The following SP140 variants were observed in gnomAD, a reference collection of about 807,000 sequenced individuals.
SP140 encodes nuclear body protein SP140.
SP140 carries 81 observed loss-of-function variants against 125.0 expected under a neutral mutation model. That is an observed-to-expected ratio of 0.65 (90% confidence interval 0.54 to 0.78). The LOEUF (loss-of-function observed/expected upper bound fraction) is 0.78, where lower values mean the gene tolerates loss of function less well. Among genes scored for constraint, SP140 ranks in the 30% least tolerant of loss-of-function variants. The pLI is 0.00. For missense variants in SP140, 858 were observed against 1,037.0 expected, an observed-to-expected ratio of 0.83 and a Z score of 2.37; for synonymous variants, 312 against 354.0, an observed-to-expected ratio of 0.88 and a Z score of 1.33.
chr2:230,274,525 A>G (rs1375541256), intron 15 of SP140, among the ~76,000 whole-genome samples: 1 of 152,202 alleles, frequency 6.6e-6, no homozygotes, highest in Non-Finnish European at 1.5e-5. Flanking sequence ...TGGCCTCCAG[A>G]AAGGAGCAAA....
chr2:230,294,117 G>A (rs1042992922), intron 20 of SP140, among the ~76,000 whole-genome samples, 154 bp from the exon 21 acceptor site: 3 of 152,194 alleles, frequency 2.0e-5, no homozygotes, highest in African/African-American at 4.8e-5. Context: ...AAGAAGCACA[G>A]GTGAAGACAG....
rs1212638320 is a variant in SP140 at position 230,212,361 on chromosome 2, G to T, written c.-322-1293G>T. 6 of 1,612,052 alleles carry T rather than the reference G, an allele frequency of 3.7e-6. No homozygotes were observed. In the Admixed American group the frequency reaches 8.3e-5, roughly 22 times the overall value. On this transcript the variant is annotated intron_variant, in intron 1 of 4. Transcript: ENST00000456542. ...GTCAGTGTTACCTTGCACAGTGCTA[G>T]TGAGGAGGCTGGGCATCTCTTCTGA...
intron 12 of SP140, among the ~76,000 whole-genome samples, chr2:230,256,217 T>G (rs1375604670): frequency 2.1e-4 from 31 of 150,398 alleles, no homozygotes; most frequent in South Asian, 1.3e-3. Flanking sequence ...TAAAGACACA[T>G]GCACACGTAT....
At chr2:230,274,924 C>T (rs1420178808) in intron 15 of SP140, among the ~76,000 whole-genome samples, 1 of 152,052 alleles carries the variant, frequency 6.6e-6, no homozygotes, top group Non-Finnish European at 1.5e-5. Flanking sequence ...ATAACATGCA[C>T]TGGATATTAT....
chr2:230,228,904 T>TATAGTTAGATTAATATCTACC (rs1331257780), intron 1 of SP140, among the ~76,000 whole-genome samples: 2 of 152,190 alleles, frequency 1.3e-5, no homozygotes, highest in Non-Finnish European at 2.9e-5. Flanking sequence ...TGATTATTAA[T>TATAGTTAGATTAATATCTACC]ATAGTTAGAT....
At chr2:230,265,774 G>A (rs2149324956) in intron 12 of SP140, among the ~76,000 whole-genome samples, 1 of 129,700 alleles carries the variant, frequency 7.7e-6, no homozygotes, top group East Asian at 2.0e-4. Context: ...CTGCAGTTGG[G>A]GCACTCTCAG....
intron 2 of SP140, among the ~76,000 whole-genome samples, 200 bp from the exon 3 acceptor site, chr2:230,238,013 C>G (rs2048222291): frequency 6.6e-6 from 1 of 152,154 alleles, no homozygotes; most frequent in Non-Finnish European, 1.5e-5. Context: ...TACTCTCTCC[C>G]CTTAAGTGTA....
intron 15 of SP140, among the ~76,000 whole-genome samples, chr2:230,276,107 A>T (rs1398381163): frequency 6.6e-6 from 1 of 152,192 alleles, no homozygotes; most frequent in East Asian, 1.9e-4. Context: ...TGTCCAGAAG[A>T]TCTAGCCAAG....
chr2:230,241,155 A>G (rs2048671185), intron 3 of SP140, among the ~76,000 whole-genome samples: 1 of 152,232 alleles, frequency 6.6e-6, no homozygotes, highest in Non-Finnish European at 1.5e-5. Flanking sequence ...GAACCAGAAC[A>G]GTGGTGTCTT....
intron 4 of SP140, among the ~76,000 whole-genome samples, 157 bp downstream of exon 4, chr2:230,241,644 A>G (rs923578456): frequency 1.3e-5 from 2 of 152,084 alleles, no homozygotes; most frequent in South Asian, 4.1e-4. Context: ...CTGCCAACAG[A>G]TGTGAGAGAA....
chr2:230,279,710 G>A (rs763259258), intron 15 of SP140, among the ~76,000 whole-genome samples: 6 of 152,088 alleles, frequency 3.9e-5, no homozygotes, highest in Non-Finnish European at 8.8e-5. Flanking sequence ...ATCATGACAT[G>A]TATCATTTTC....
At chr2:230,225,104 G>C (rs1304750873), upstream of SP140, among the ~76,000 whole-genome samples, 1 of 152,186 alleles carries the variant, frequency 6.6e-6, no homozygotes, top group Non-Finnish European at 1.5e-5. Flanking sequence ...CATCCAGTGA[G>C]AAGGCTGTCA....
intron 19 of SP140, among the ~76,000 whole-genome samples, chr2:230,291,116 T>G (rs1262386776): frequency 6.6e-6 from 1 of 152,184 alleles, no homozygotes; most frequent in Non-Finnish European, 1.5e-5. Flanking sequence ...ATTTGCATAT[T>G]GATGTAAAAT....
rs200905557 is a variant in SP140, at chr2:230,292,835, A to G, written c.1968+47A>G. 500 of 1,610,508 alleles carry G rather than the reference A, an allele frequency of 3.1e-4. 9 individuals carry two copies. In the South Asian group the frequency reaches 5.3e-3, roughly 17 times the overall value. On this transcript the variant is annotated intron_variant, in intron 20 of 26. Transcript: ENST00000392045. ...AGGCCTGTGTTCCTTCTTGTTCCCT[A>G]ATAATGAGGAGACTGTTTATTCACC... is the stretch of plus-strand genomic sequence containing the variant.
chr2:230,292,911 C>G, intron 20 of SP140, 123 bp downstream of exon 20: 2 of 1,422,730 alleles, frequency 1.4e-6, no homozygotes, highest in Non-Finnish European at 1.9e-6. Flanking sequence ...GGTTTATCCT[C>G]TCACTCAGGA....
chr2:230,247,592 ACT>A (rs2049660575), intron 7 of SP140, among the ~76,000 whole-genome samples: 2 of 151,766 alleles, frequency 1.3e-5, no homozygotes, highest in African/African-American at 4.8e-5. Flanking sequence ...AACTCAAACA[ACT>A]CTTTCAAAAA....
intron 22 of SP140, among the ~76,000 whole-genome samples, chr2:230,303,678 A>G (rs2058508661): frequency 6.6e-6 from 1 of 152,210 alleles, no homozygotes; most frequent in Non-Finnish European, 1.5e-5. Context: ...CTCAATAAAG[A>G]CAGCAAAAGC....
rs2049749873 is a variant in SP140, at chr2:230,247,983, A to G, written c.810A>G (p.Gly270=). 6.8e-6 allele frequency: 11 copies of G among 1,613,926 alleles called. No individual in the cohort carries two copies. The highest frequency in any genetic ancestry group is 8.5e-6 in the Non-Finnish European group (10 of 1,179,882). ...TYSTAPGEKQ[G]EEEGRNSPRK... Reference sequence around the variant, plus strand: ...GCACAGCACCAGGGGAGAAACAGGGAGAGGAGGAAGGCAGGAACAGTCCCA... The same window carrying G: ...GCACAGCACCAGGGGAGAAACAGGGGGAGGAGGAAGGCAGGAACAGTCCCA... The change falls in exon 8 of 27, where the codon GGA becomes GGG. Residue 270 remains glycine, a synonymous_variant. Transcript: ENST00000392045.
At chr2:230,216,960 C>T (rs201220034) in intron 3 of SP140, 8 of 1,604,368 alleles carry the variant, frequency 5.0e-6, no homozygotes, top group Non-Finnish European at 6.8e-6. Context: ...AAAATAGAAG[C>T]AAAGGCTGGG....
Sources: allele counts gnomAD v4.1 joint callset (sites outside exome capture counted in the v4.1 genomes callset), GRCh38; gene constraint gnomAD v4.1.1; transcripts MANE v1.5; gene names NCBI Gene and HGNC (gene_info 2026-07-23, HGNC 2026-07-21).